Variants in TNIP3 observed in about 807,000 individuals in gnomAD.
TNIP3 encodes the protein TNFAIP3-interacting protein 3.
In TNIP3, 34 loss-of-function variants were observed where a neutral mutation model predicts 54.1. The observed-to-expected ratio is 0.63, with a 90% CI of 0.48 to 0.84. TNIP3 has a LOEUF of 0.84. Ranked by LOEUF, TNIP3 falls within the 40% of genes least tolerant of loss-of-function variation. The pLI, the probability that TNIP3 is intolerant of heterozygous loss-of-function variation, is 0.00. For synonymous variants in TNIP3, 134 were observed against 136.8 expected (o/e 0.98, Z 0.14); for missense variants, 366 against 387.6 (o/e 0.94, Z 0.47).
chr4:121,163,773 A>G (rs1308054073), intron 1 of TNIP3, among the ~76,000 whole-genome samples: 1 of 152,206 alleles, frequency 6.6e-6, no homozygotes, highest in African/African-American at 2.4e-5. Context: ...CTACACCAAT[A>G]TAGTATTCTT....
chr4:121,156,197 G>A (rs1443800148), intron 4 of TNIP3, among the ~76,000 whole-genome samples: 2 of 152,174 alleles, frequency 1.3e-5, no homozygotes, highest in Non-Finnish European at 2.9e-5. Flanking sequence ...ATTGCCTTAA[G>A]ATTTGTACAT....
At chr4:121,181,230 G>A (rs1209290132) in intron 3 of TNIP3, among the ~76,000 whole-genome samples, 1 of 152,172 alleles carries the variant, frequency 6.6e-6, no homozygotes, top group African/African-American at 2.4e-5. Flanking sequence ...ATAATGGGAG[G>A]ATATGAGGAT....
chr4:121,197,255 C>T (rs993003318), intron 2 of TNIP3, among the ~76,000 whole-genome samples: 5 of 152,122 alleles, frequency 3.3e-5, no homozygotes, highest in African/African-American at 9.7e-5. Context: ...CTGCCGGGCA[C>T]AGCAGCTCAT....
chr4:121,197,822 GC>G (rs2148837539), intron 2 of TNIP3, among the ~76,000 whole-genome samples: 1 of 152,208 alleles, frequency 6.6e-6, no homozygotes, highest in South Asian at 2.1e-4. Context: ...AATAAGGAGA[GC>G]CGTATAAGAA....
At chr4:121,212,422 G>A (rs554673862) in intron 2 of TNIP3, among the ~76,000 whole-genome samples, 18 of 152,210 alleles carry the variant, frequency 1.2e-4, no homozygotes, top group Middle Eastern at 6.8e-3. Context: ...TTCTTAGTGT[G>A]GAAAGAGAAG....
intron 1 of TNIP3, among the ~76,000 whole-genome samples, chr4:121,222,804 GTTTTTTT>G (rs138758827): frequency 9.5e-6 from 1 of 105,766 alleles, no homozygotes. Context: ...TTTTTTGTGC[GTTTTTTT>G]TTTTTTTTTT....
chr4:121,197,529 C>G (rs111726498), intron 2 of TNIP3, among the ~76,000 whole-genome samples: 1,362 of 122,282 alleles, frequency 0.011, 32 homozygotes, highest in African/African-American at 0.045. Context: ...GAGACTCTGT[C>G]TCAAAAAAAA....
At chr4:121,144,296 T>C (rs148395515) in intron 7 of TNIP3, among the ~76,000 whole-genome samples, 2 of 152,320 alleles carry the variant, frequency 1.3e-5, no homozygotes, top group African/African-American at 4.8e-5. Flanking sequence ...ATAAACTAAA[T>C]GAAACTATTA....
chr4:121,132,744 T>C, intron 10 of TNIP3, 82 bp from the exon 11 acceptor site: 2 of 1,283,584 alleles, frequency 1.6e-6, no homozygotes, highest in Non-Finnish European at 2.2e-6. Flanking sequence ...TGACATAAAG[T>C]TCCAGGATGG....
At position 121,154,544 on chromosome 4, in the gene TNIP3, C is replaced by A. The variant is rs116147568; in HGVS notation, c.492+7G>T. 780 of 1,613,430 alleles carry A rather than the reference C, an allele frequency of 4.8e-4. 5 individuals carry two copies. The African/African-American group carries it at 9.3e-3, about 19-fold the overall frequency. ...TTTTAATCTCCCATGCTTGACCTGA[C>A]TGATACCTTATTGAGGCGTTTTATT... On this transcript the variant is annotated splice_region_variant and intron_variant, in intron 5 of 10. Coordinates refer to ENST00000057513, the MANE Select transcript of TNIP3 (RefSeq NM_024873.6).
intron 10 of TNIP3, among the ~76,000 whole-genome samples, chr4:121,133,164 T>C (rs1372132727): frequency 1.3e-5 from 2 of 152,184 alleles, no homozygotes; most frequent in African/African-American, 4.8e-5. Flanking sequence ...TACTATTTGA[T>C]AATGAATACT....
At position 121,147,162 on chromosome 4, in the gene TNIP3, C is replaced by T. The variant is rs1388039104; in HGVS notation, c.622G>A (p.Glu208Lys). Reference protein sequence around the residue: ...EVLKQQVQIYEEDFKKERSDR... With the variant: ...EVLKQQVQIYKEDFKKERSDR... ...GATCGTTCCTTTTTGAAGTCTTCTT[C>T]GTATATTTGCACCTAAGAAATATTA... Residue 208 changes from glutamate to lysine, a missense_variant, in exon 7 of 11, where the codon GAA (glutamate) becomes AAA (lysine). Glu to Lys is a moderately conservative substitution (Grantham distance 56). Coordinates refer to ENST00000057513, the MANE Select transcript of TNIP3 (RefSeq NM_024873.6). 26 of 1,609,788 alleles carry T rather than the reference C, an allele frequency of 1.6e-5. No homozygotes were observed. The highest frequency in any genetic ancestry group is 3.4e-5 in the Admixed American group (2 of 59,436).
chr4:121,189,382 C>T (rs1301938680), intron 2 of TNIP3, among the ~76,000 whole-genome samples: 1 of 152,194 alleles, frequency 6.6e-6, no homozygotes, highest in Non-Finnish European at 1.5e-5. Flanking sequence ...AATGGAAATG[C>T]TTCCAGATGT....
intron 2 of TNIP3, among the ~76,000 whole-genome samples, chr4:121,196,261 T>C (rs547348894): frequency 1.3e-5 from 2 of 152,346 alleles, no homozygotes; most frequent in East Asian, 3.9e-4. Context: ...TGTCTAAAAC[T>C]AATACTGTGA....
upstream of TNIP3, among the ~76,000 whole-genome samples, chr4:121,219,365 C>T (rs906428682): frequency 3.3e-5 from 5 of 152,080 alleles, no homozygotes; most frequent in African/African-American, 1.2e-4. Context: ...TAAGGAATTC[C>T]TATACTGCTA....
At chr4:121,171,017 T>C (rs1156690723) in intron 3 of TNIP3, among the ~76,000 whole-genome samples, 1 of 152,132 alleles carries the variant, frequency 6.6e-6, no homozygotes, top group African/African-American at 2.4e-5. Context: ...GGTTTCATCA[T>C]GTTGGCTAGG....
chr4:121,181,769 G>C (rs1259645616), intron 3 of TNIP3, among the ~76,000 whole-genome samples: 1 of 151,620 alleles, frequency 6.6e-6, no homozygotes, highest in African/African-American at 2.4e-5. Flanking sequence ...TACAATTCTG[G>C]GATTTCCTTT....
At chr4:121,159,520 C>A (rs915456005) in intron 2 of TNIP3, among the ~76,000 whole-genome samples, 2 of 152,140 alleles carry the variant, frequency 1.3e-5, no homozygotes, top group Non-Finnish European at 2.9e-5. Flanking sequence ...TTTTTTCCAG[C>A]TCTTTTAAAG....
intron 6 of TNIP3, among the ~76,000 whole-genome samples, chr4:121,149,431 T>C (rs898598978): frequency 2.6e-5 from 4 of 152,196 alleles, no homozygotes; most frequent in African/African-American, 9.7e-5. Context: ...GCTGCTACCA[T>C]TTTCTGAAAA....
Sources: allele counts gnomAD v4.1 joint callset (sites outside exome capture counted in the v4.1 genomes callset), GRCh38; gene constraint gnomAD v4.1.1; transcripts MANE v1.5; gene names NCBI Gene and HGNC (gene_info 2026-07-23, HGNC 2026-07-21).